The following OPRD1 variants were observed in gnomAD, a reference collection of about 807,000 sequenced individuals.
OPRD1 encodes the protein opioid receptor delta 1, also known as delta-type opioid receptor.
Under a neutral mutation model 17.5 loss-of-function variants are expected in OPRD1, and 19 were observed. That is an observed-to-expected ratio of 1.09 (90% confidence interval 0.76 to 1.60). The LOEUF is 1.60. OPRD1 is among the 40% of genes most tolerant of loss of function. OPRD1 has a pLI of 0.00. For missense variants in OPRD1, 483 were observed against 547.2 expected (o/e 0.88, Z 1.17); for synonymous variants, 256 against 240.9 (o/e 1.06, Z -0.58).
Position 28,863,473 on chromosome 1 carries a change from G to C in OPRD1, c.*190G>C. On this transcript the variant is annotated 3_prime_UTR_variant, in exon 3 of 3. Transcript: ENST00000234961. ...GGCATGGGGTGGGCCTCTGGTTTGG[G>C]GCGAGGCAGAGGACAGATCAATGGC... 3 of 627,730 alleles carry C rather than the reference G, an allele frequency of 4.8e-6. No homozygotes were observed. Among genetic ancestry groups the C allele is most frequent in the Non-Finnish European group, 7.6e-6 (3 of 397,200 alleles). 38.9% of individuals were successfully genotyped at this position (627,730 alleles called of 1,614,324 possible). A position where few individuals can be genotyped will look rare whatever the true frequency, so the allele number is the denominator to read the frequency against.
intron 1 of OPRD1, among the ~76,000 whole-genome samples, chr1:28,817,861 C>A (rs1393819412): frequency 1.3e-5 from 2 of 148,348 alleles, no homozygotes; most frequent in Admixed American, 1.4e-4. Context: ...CTCGCCACCA[C>A]GCCCAACTAG....
intron 1 of OPRD1, among the ~76,000 whole-genome samples, chr1:28,858,115 C>CT (rs1233337916): frequency 0.096 from 10,816 of 112,900 alleles, 613 homozygotes; most frequent in East Asian, 0.15. Context: ...CTTTTTTTTT[C>CT]TTTTTTTTTT....
At chr1:28,842,202 G>A (rs1256842209) in intron 1 of OPRD1, among the ~76,000 whole-genome samples, 1 of 152,054 alleles carries the variant, frequency 6.6e-6, no homozygotes. Flanking sequence ...GCTAACTTTT[G>A]TATTTTTAGT....
chr1:28,849,508 GCA>G (rs958800106), intron 1 of OPRD1, among the ~76,000 whole-genome samples: 19 of 151,260 alleles, frequency 1.3e-4, no homozygotes, highest in African/African-American at 4.1e-4. Context: ...ACACACACAT[GCA>G]CACACACACA....
intron 1 of OPRD1, among the ~76,000 whole-genome samples, chr1:28,834,480 A>C (rs1018197806): frequency 5.3e-5 from 8 of 151,308 alleles, no homozygotes; most frequent in Non-Finnish European, 1.2e-4. Context: ...TCCTGGGCTC[A>C]AATGATCCTT....
intron 2 of OPRD1, among the ~76,000 whole-genome samples, chr1:28,861,554 C>G (rs1178837482): frequency 1.3e-5 from 2 of 152,154 alleles, no homozygotes; most frequent in African/African-American, 2.4e-5. Context: ...AAGCGATCCT[C>G]CCACCTCAGC....
intron 1 of OPRD1, among the ~76,000 whole-genome samples, chr1:28,842,973 A>AT (rs1417848162): frequency 6.6e-6 from 1 of 151,730 alleles, no homozygotes. Context: ...TTGGGAAAAA[A>AT]AAAAGAAGAA....
rs1185586463 is a variant in OPRD1 at position 28,865,884 on chromosome 1, C to T, written c.*2601C>T. The T allele has an allele frequency of 3.9e-5, 6 of 152,210 alleles. No individual in the cohort carries two copies. The highest frequency in any genetic ancestry group is 1.2e-4 in the African/African-American group (5 of 41,430). 9.4% of individuals were successfully genotyped at this position (152,210 alleles called of 1,614,324 possible). On this transcript the variant is annotated 3_prime_UTR_variant, in exon 3 of 3. Coordinates refer to ENST00000234961, the MANE Select transcript of OPRD1 (RefSeq NM_000911.4). ...ACATTGGAGCCAGGCTGTTTACTCT[C>T]CCTGCAGGACCTGTGTCCCCTCCCA...
At chr1:28,825,273 T>C (rs568923665) in intron 1 of OPRD1, among the ~76,000 whole-genome samples, 1 of 152,328 alleles carries the variant, frequency 6.6e-6, no homozygotes, top group East Asian at 1.9e-4. Flanking sequence ...GGACTAGAAC[T>C]GCTTTTCCTA....
intron 1 of OPRD1, among the ~76,000 whole-genome samples, chr1:28,817,910 G>GC (rs1481802848): frequency 7.0e-6 from 1 of 143,558 alleles, no homozygotes; most frequent in South Asian, 2.6e-4. Context: ...GGCGGGGGGG[G>GC]GGTTTCACCA....
At chr1:28,850,942 C>T (rs1041028088) in intron 1 of OPRD1, among the ~76,000 whole-genome samples, 2 of 151,858 alleles carry the variant, frequency 1.3e-5, no homozygotes, top group Non-Finnish European at 2.9e-5. Context: ...CAATATCTGA[C>T]TAAGGGATTT....
In OPRD1 at chr1:28,862,857, G is replaced by T; in HGVS notation, c.693G>T (p.Val231=). 6.2e-7 allele frequency: 1 copy of T among 1,612,850 alleles called. No homozygotes were observed. The highest frequency in any genetic ancestry group is 8.5e-7 in the Non-Finnish European group (1 of 1,180,028). Residue 231 remains valine (V), a synonymous_variant, in exon 3 of 3, where the codon GTG becomes GTT. Transcript: ENST00000234961. The part of the protein sequence containing the change: ...AFVVPILIIT[V]CYGLMLLRLR... Reference sequence around the variant, plus strand: ...TGGTGCCCATCCTCATCATCACCGTGTGCTATGGCCTCATGCTGCTGCGCC... The same window carrying T: ...TGGTGCCCATCCTCATCATCACCGTTTGCTATGGCCTCATGCTGCTGCGCC...
chr1:28,832,420 C>T (rs1409150220), intron 1 of OPRD1, among the ~76,000 whole-genome samples: 1 of 151,984 alleles, frequency 6.6e-6, no homozygotes, highest in Non-Finnish European at 1.5e-5. Flanking sequence ...GAGTTCAAGA[C>T]CAACCTGGGC....
Position 28,863,277 on chromosome 1 carries a change from C to T in OPRD1, c.1113C>T (p.Ala371=). The T allele has an allele frequency of 6.9e-7, 1 of 1,440,304 alleles. No individual in the cohort carries two copies. Among genetic ancestry groups the T allele is most frequent in the Non-Finnish European group, 9.0e-7 (1 of 1,108,186 alleles). The allele number at this position is 1,440,304 out of a possible 1,614,324, so 89.2% of individuals were successfully genotyped here. The change falls in exon 3 of 3, where the codon GCC becomes GCT. Residue 371 remains alanine (A), a synonymous_variant. Transcript: ENST00000234961. ...CCGATGGTCCCGGCGGTGGCGCTGC[C>T]GCCTGACCAGGCCATCCGGCCCCCA... The part of the protein sequence containing the change: ...TPSDGPGGGA[A]A
At chr1:28,825,229 A>C (rs1047371944) in intron 1 of OPRD1, among the ~76,000 whole-genome samples, 4 of 152,120 alleles carry the variant, frequency 2.6e-5, no homozygotes, top group Non-Finnish European at 5.9e-5. Flanking sequence ...AGACCTAGAA[A>C]GGTTCTGTGT....
chr1:28,841,992 G>T (rs942617865), intron 1 of OPRD1, among the ~76,000 whole-genome samples: 13 of 151,364 alleles, frequency 8.6e-5, no homozygotes, highest in African/African-American at 3.2e-4. Context: ...CCAAAGTGCT[G>T]GGATTACAGG....
At chr1:28,856,353 C>G (rs565372165) in intron 1 of OPRD1, among the ~76,000 whole-genome samples, 1 of 152,198 alleles carries the variant, frequency 6.6e-6, no homozygotes. Flanking sequence ...TTCCCAGGCC[C>G]CAGTTCCAGA....
At position 28,864,105 on chromosome 1, in the gene OPRD1, C is replaced by CA. The variant is rs2089152628; in HGVS notation, c.*828dup. 6.6e-6 allele frequency: 1 copy of CA among 152,112 alleles called. No homozygotes were observed. The highest frequency in any genetic ancestry group is 1.5e-5 in the Non-Finnish European group (1 of 68,072). 9.4% of individuals were successfully genotyped at this position (152,112 alleles called of 1,614,324 possible). A position where few individuals can be genotyped will look rare whatever the true frequency, so the allele number is the denominator to read the frequency against. On this transcript the variant is annotated 3_prime_UTR_variant, in exon 3 of 3. Coordinates refer to ENST00000234961, the MANE Select transcript of OPRD1 (RefSeq NM_000911.4). ...GGCAACATGGGAGACCCTGTCGCTA[C>CA]AAAAAATACAAAATTAGCCAGGCAT... is the stretch of plus-strand genomic sequence containing the variant.
At chr1:28,850,826 AATAAT>A (rs1293444543) in intron 1 of OPRD1, among the ~76,000 whole-genome samples, 2 of 130,434 alleles carry the variant, frequency 1.5e-5, no homozygotes, top group Non-Finnish European at 3.3e-5. Context: ...TAATAATAAT[AATAAT>A]AAAAGGTCAA....
Sources: allele counts gnomAD v4.1 joint callset (sites outside exome capture counted in the v4.1 genomes callset), GRCh38; gene constraint gnomAD v4.1.1; transcripts MANE v1.5; gene names NCBI Gene and HGNC (gene_info 2026-07-23, HGNC 2026-07-21).